MYO1H: variants seen among roughly 807,000 people sequenced by gnomAD.
The protein encoded by MYO1H is myosin IH.
A neutral mutation model predicts 149.3 loss-of-function variants in MYO1H; 118 were observed. The observed-to-expected ratio is 0.79, with a 90% confidence interval of 0.68 to 0.92. The LOEUF (loss-of-function observed/expected upper bound fraction) is 0.92, where lower values mean the gene tolerates loss of function less well. Among genes scored for constraint, MYO1H ranks in the 40% least tolerant of loss-of-function variants. The pLI is 0.00. For synonymous variants in MYO1H, 447 were observed against 465.2 expected (o/e 0.96, Z 0.50); for missense variants, 1,212 against 1,280.7 (o/e 0.95, Z 0.82).
At chr12:109,330,147 TGAGATGC>T in the MYO1H span, among the ~76,000 whole-genome samples, 1 of 152,138 alleles carries the variant, frequency 6.6e-6, no homozygotes, top group East Asian at 1.9e-4. Context: ...CCAGGTTAGG[TGAGATGC>T]TAACATTAGG....
At chr12:109,313,248 A>G in the MYO1H span, among the ~76,000 whole-genome samples, 14,260 of 152,174 alleles carry the variant, frequency 0.094, 715 homozygotes, top group South Asian at 0.14. Context: ...ACCTGTCTCA[A>G]AAAAACAAAC....
rs1025253999 is a variant in MYO1H, at chr12:109,424,669, A to T, written c.1645-79A>T. 6.4e-6 allele frequency: 7 copies of T among 1,092,910 alleles called. No individual in the cohort carries two copies. The African/African-American group carries it at 7.8e-5, about 12-fold the overall frequency. 67.7% of individuals were successfully genotyped at this position (1,092,910 alleles called of 1,614,324 possible). ...AGCAGATGGCTCTGTTGCTTCATGCACACTCTGTGAGCCGTCCTGACAGCC... is the reference window on the plus strand; with the variant it reads ...AGCAGATGGCTCTGTTGCTTCATGCTCACTCTGTGAGCCGTCCTGACAGCC... On this transcript the variant is annotated intron_variant, in intron 16 of 31. Transcript: ENST00000310903.
At chr12:109,361,640 T>C (rs1224449408) in intron 1 of MYO1H, among the ~76,000 whole-genome samples, 1 of 151,716 alleles carries the variant, frequency 6.6e-6, no homozygotes, top group Non-Finnish European at 1.5e-5. Context: ...ACCCTGTCTC[T>C]ATGAAAATTT....
chr12:109,424,750 G>T (rs757196379), exon 17 of MYO1H: 31 of 1,613,374 alleles, frequency 1.9e-5, no homozygotes, highest in Non-Finnish European at 2.4e-5. Context: ...ACTTACAGGT[G>T]CTGTGCAAGT....
intron 31 of MYO1H, 171 bp from the exon 32 acceptor site, chr12:109,446,987 AG>A: frequency 1.5e-6 from 1 of 668,948 alleles, no homozygotes; most frequent in Non-Finnish European, 2.7e-6. Flanking sequence ...AGAGGCTGAC[AG>A]GCCTCGATGA....
intron 21 of MYO1H, among the ~76,000 whole-genome samples, chr12:109,435,587 G>T (rs764346508): frequency 1.1e-4 from 16 of 152,154 alleles, no homozygotes; most frequent in South Asian, 2.1e-4. Flanking sequence ...AAATGTAACC[G>T]GTCTGTCAAG....
intron 27 of MYO1H, among the ~76,000 whole-genome samples, 167 bp downstream of exon 27, chr12:109,442,439 AATG>A (rs2135604200): frequency 6.6e-6 from 1 of 152,292 alleles, no homozygotes; most frequent in Admixed American, 6.5e-5. Context: ...ATGGGGAACA[AATG>A]ATGATTAGAT....
chr12:109,411,775 C>T (rs1870686222), intron 13 of MYO1H, 119 bp from the exon 14 acceptor site: 2 of 660,150 alleles, frequency 3.0e-6, no homozygotes, highest in Non-Finnish European at 5.1e-6. Context: ...TTCACCTGCA[C>T]TTACATGAAT....
At chr12:109,388,896 G>A (rs375623581) in intron 2 of MYO1H, 52 bp downstream of exon 2, 8 of 1,548,880 alleles carry the variant, frequency 5.2e-6, no homozygotes, top group Non-Finnish European at 7.0e-6. Flanking sequence ...TTCCCTTCTT[G>A]CCTTCACGAC....
At chr12:109,348,089 G>A (rs1868375459) in intron 1 of MYO1H, 117 bp downstream of exon 1, 1 of 398,628 alleles carries the variant, frequency 2.5e-6, no homozygotes, top group Admixed American at 4.4e-5. Flanking sequence ...AACTGGGCGT[G>A]TGAATAAGAT....
chr12:109,413,491 T>A (rs150518668), intron 14 of MYO1H, among the ~76,000 whole-genome samples: 45 of 152,270 alleles, frequency 3.0e-4, no homozygotes, highest in Non-Finnish European at 5.9e-4. Context: ...GATAAGTACA[T>A]GAAATTGCAT....
At chr12:109,398,851 G>A (rs183066927) in intron 5 of MYO1H, among the ~76,000 whole-genome samples, 4 of 149,870 alleles carry the variant, frequency 2.7e-5, no homozygotes. Context: ...CAGATAGTAA[G>A]TATTTTAGGC....
At chr12:109,377,694 A>G in intron 1 of MYO1H, among the ~76,000 whole-genome samples, 1 of 152,232 alleles carries the variant, frequency 6.6e-6, no homozygotes, top group Non-Finnish European at 1.5e-5. Context: ...GCAGTCTTAT[A>G]TATCTTCTAT....
intron 19 of MYO1H, among the ~76,000 whole-genome samples, chr12:109,428,251 CAGG>C (rs1566039112): frequency 2.0e-5 from 3 of 152,090 alleles, no homozygotes; most frequent in African/African-American, 4.8e-5. Flanking sequence ...TCTGAATTAG[CAGG>C]AGAAGCTAAG....
intron 5 of MYO1H, among the ~76,000 whole-genome samples, chr12:109,400,352 C>T (rs1870111043): frequency 6.6e-6 from 1 of 152,152 alleles, no homozygotes; most frequent in African/African-American, 2.4e-5. Context: ...ATACCCTTGC[C>T]AACATTTATA....
In MYO1H at chr12:109,355,030, A is replaced by G. The variant is rs112170035; in HGVS notation, c.12+7058A>G. Among the ~76,000 whole-genome samples, 355 of 152,314 alleles carry G rather than the reference A, an allele frequency of 2.3e-3. 2 individuals are homozygous for G. Among genetic ancestry groups the G allele is most frequent in the African/African-American group, 8.2e-3 (341 of 41,574 alleles). On this transcript the variant is annotated intron_variant, in intron 1 of 31. Transcript: ENST00000310903. ...AGGAAAAGGGGTTGGAAAAATTCTAATAAGGTCTAGTTGTGGGAAAAGAAG... is the reference window on the plus strand; with the variant it reads ...AGGAAAAGGGGTTGGAAAAATTCTAGTAAGGTCTAGTTGTGGGAAAAGAAG...
intron 13 of MYO1H, among the ~76,000 whole-genome samples, chr12:109,411,538 C>A (rs1870668741): frequency 6.6e-6 from 1 of 152,208 alleles, no homozygotes; most frequent in Non-Finnish European, 1.5e-5. Context: ...GAGGGCTTTT[C>A]TTCTACAACA....
intron 1 of MYO1H, among the ~76,000 whole-genome samples, chr12:109,377,396 T>C (rs1240798347): frequency 6.6e-6 from 1 of 152,256 alleles, no homozygotes; most frequent in East Asian, 1.9e-4. Context: ...TATCACCTGA[T>C]GGGCTCTTTT....
intron 22 of MYO1H, among the ~76,000 whole-genome samples, chr12:109,438,255 G>A (rs2135597248): frequency 6.6e-6 from 1 of 152,170 alleles, no homozygotes; most frequent in South Asian, 2.1e-4. Flanking sequence ...CATTGCTGTG[G>A]CTGAAAAAGA....
Sources: gnomAD v4.1 joint callset for allele counts (sites outside exome capture counted in the v4.1 genomes callset) on GRCh38, gnomAD v4.1.1 for gene constraint, MANE v1.5 for transcripts, NCBI Gene and HGNC (gene_info 2026-07-23, HGNC 2026-07-21) for gene names.